The following SHROOM3 variants were observed in gnomAD, a reference collection of about 807,000 sequenced individuals.
The protein encoded by SHROOM3 is protein Shroom3.
A neutral mutation model predicts 138.6 loss-of-function variants in SHROOM3; 47 were observed. The observed-to-expected ratio is 0.34, with a 90% CI of 0.27 to 0.43. The LOEUF (loss-of-function observed/expected upper bound fraction) is 0.43. Ranked by LOEUF, SHROOM3 falls within the 20% of genes least tolerant of loss-of-function variation. The pLI is 1.00. For synonymous variants in SHROOM3, 1,062 were observed against 1,063.3 expected (o/e 1.00, Z 0.02); for missense variants, 2,491 against 2,596.5 (o/e 0.96, Z 0.88).
intron 3 of SHROOM3, among the ~76,000 whole-genome samples, chr4:76,725,426 AAT>A (rs1160069833): frequency 1.3e-5 from 2 of 152,200 alleles, no homozygotes; most frequent in African/African-American, 2.4e-5. Context: ...ATTTCTTTAA[AAT>A]ATCTCTTTAA....
chr4:76,757,583 C>G (rs1721860661), intron 8 of SHROOM3, among the ~76,000 whole-genome samples: 1 of 152,182 alleles, frequency 6.6e-6, no homozygotes, highest in Non-Finnish European at 1.5e-5. Flanking sequence ...TCGTGTACTA[C>G]ACTGACCCTT....
At chr4:76,689,452 C>T (rs1719443066) in intron 2 of SHROOM3, 1 of 899,880 alleles carries the variant, frequency 1.1e-6, no homozygotes, top group Admixed American at 6.7e-5. Context: ...TGGGCGAGCG[C>T]CCCGCACCCT....
At chr4:76,578,804 G>A (rs979957606) in intron 2 of SHROOM3, among the ~76,000 whole-genome samples, 1 of 152,136 alleles carries the variant, frequency 6.6e-6, no homozygotes, top group African/African-American at 2.4e-5. Context: ...ATTTGATAAG[G>A]ATCACAAGAC....
chr4:76,710,295 G>T lies in SHROOM3; in HGVS notation c.455+8G>T, dbSNP rs759640068. On this transcript the variant is annotated splice_region_variant and intron_variant, in intron 3 of 10. Transcript: ENST00000296043. The stretch of plus-strand genomic sequence containing the variant: ...ACTTCGGCTGAAGCACAGGTAAGAC[G>T]CACGGAAGTTGGTGCTGGCAGTTCG... 5.0e-6 allele frequency: 8 copies of T among 1,613,606 alleles called. No individual in the cohort carries two copies. Among genetic ancestry groups the T allele is most frequent in the African/African-American group, 2.7e-5 (2 of 74,868 alleles).
chr4:76,488,844 A>G (rs756601085), intron 1 of SHROOM3, among the ~76,000 whole-genome samples: 10 of 120,594 alleles, frequency 8.3e-5, no homozygotes, highest in Non-Finnish European at 1.4e-4. Context: ...CAACAATCCT[A>G]TGAGGTCAAA....
intron 2 of SHROOM3, among the ~76,000 whole-genome samples, chr4:76,634,277 A>C (rs1735428312): frequency 6.6e-6 from 1 of 152,206 alleles, no homozygotes; most frequent in African/African-American, 2.4e-5. Flanking sequence ...CCTGAGGAGT[A>C]ATAAGCCCTC....
At chr4:76,709,562 TG>T (rs1350741416) in intron 2 of SHROOM3, among the ~76,000 whole-genome samples, 1 of 142,580 alleles carries the variant, frequency 7.0e-6, no homozygotes, top group Admixed American at 7.1e-5. Flanking sequence ...TGTTAGGGAC[TG>T]GGGGTGGGAG....
intron 1 of SHROOM3, among the ~76,000 whole-genome samples, chr4:76,524,660 G>A (rs112533436): frequency 2.0e-5 from 3 of 152,142 alleles, no homozygotes; most frequent in African/African-American, 7.2e-5. Flanking sequence ...CAATAGATTT[G>A]TGCCCAGGAT....
chr4:76,545,094 T>C (rs1447406651), intron 1 of SHROOM3, among the ~76,000 whole-genome samples: 2 of 150,458 alleles, frequency 1.3e-5, no homozygotes, highest in African/African-American at 2.5e-5. Flanking sequence ...TCTTTTTTTC[T>C]TTTTTTTTTC....
intron 2 of SHROOM3, among the ~76,000 whole-genome samples, chr4:76,588,606 C>A (rs1258556281): frequency 1.3e-5 from 2 of 152,116 alleles, no homozygotes. Context: ...CCCTTCTTCT[C>A]CCCACAGTGT....
intron 1 of SHROOM3, among the ~76,000 whole-genome samples, chr4:76,439,888 T>C (rs1730633714): frequency 6.6e-6 from 1 of 152,202 alleles, no homozygotes; most frequent in Non-Finnish European, 1.5e-5. Flanking sequence ...TTAATATCCT[T>C]GGAAAGGAAA....
intron 10 of SHROOM3, among the ~76,000 whole-genome samples, chr4:76,777,886 C>T (rs754772071): frequency 1.3e-5 from 2 of 152,052 alleles, no homozygotes; most frequent in East Asian, 1.9e-4. Context: ...ATGACATTGC[C>T]GTCATTGTTG....
At chr4:76,634,004 A>C (rs1340504827) in intron 2 of SHROOM3, among the ~76,000 whole-genome samples, 1 of 152,146 alleles carries the variant, frequency 6.6e-6, no homozygotes, top group African/African-American at 2.4e-5. Context: ...AACCCTTCTT[A>C]ATGGTGTTTT....
chr4:76,649,506 GTT>G (rs1178951058), intron 2 of SHROOM3, among the ~76,000 whole-genome samples: 1 of 152,172 alleles, frequency 6.6e-6, no homozygotes, highest in Non-Finnish European at 1.5e-5. Context: ...CCAGTGAGTA[GTT>G]TTAAGCAAAA....
At chr4:76,755,422 T>G (rs1469218468) in intron 7 of SHROOM3, among the ~76,000 whole-genome samples, 1 of 152,166 alleles carries the variant, frequency 6.6e-6, no homozygotes, top group African/African-American at 2.4e-5. Context: ...GGGGCACATT[T>G]CACTTCTGGG....
Position 76,618,070 on chromosome 4 carries a change from C to T in SHROOM3, c.323+62307C>T, listed in dbSNP as rs376993335. 3.2e-4 allele frequency among the ~76,000 whole-genome samples: 48 copies of T among 152,288 alleles called. No individual in the cohort carries two copies. In the East Asian group the frequency reaches 6.2e-3, roughly 20 times the overall value. ...ATCCCAACACTTTGGGAGTCCAAGG[C>T]AGGAGGATTGCTTGAGGCCAGGAGT... On this transcript the variant is annotated intron_variant, in intron 2 of 10. Coordinates refer to ENST00000296043, the MANE Select transcript of SHROOM3 (RefSeq NM_020859.4).
intron 2 of SHROOM3, among the ~76,000 whole-genome samples, chr4:76,616,393 G>T (rs1002441737): frequency 5.9e-5 from 9 of 152,038 alleles, no homozygotes; most frequent in African/African-American, 1.4e-4. Context: ...ATAGCCAAAA[G>T]GTGGAAGCAA....
rs199564119 is a variant in SHROOM3 at position 76,740,309 on chromosome 4, C to A, written c.2136C>A (p.Leu712=). The A allele has an allele frequency of 6.2e-7, 1 of 1,613,140 alleles. No individual in the cohort carries two copies. Among genetic ancestry groups the A allele is most frequent in the Non-Finnish European group, 8.5e-7 (1 of 1,180,028 alleles). ...CTGGGAGGAAAGCCGCTCCTGACCT[C>A]GGGAGCCATCTGGACCGGCAGGTTT... ...EDPGRKAAPD[L]GSHLDRQVSY... is the part of the protein sequence containing the mutation. Residue 712 remains leucine (L), a synonymous_variant, in exon 5 of 11, where the codon CTC becomes CTA. Transcript: ENST00000296043. The surrounding 1 kb of genome is among the most constrained non-coding windows in gnomAD (Gnocchi z 4.0).
chr4:76,659,643 A>G (rs1399860352), intron 2 of SHROOM3, among the ~76,000 whole-genome samples: 2 of 152,146 alleles, frequency 1.3e-5, no homozygotes, highest in Non-Finnish European at 2.9e-5. Flanking sequence ...GTGCTGTGGC[A>G]TGACCTTGGC....
Sources: gnomAD v4.1 joint callset for allele counts (sites outside exome capture counted in the v4.1 genomes callset) on GRCh38, gnomAD v4.1.1 for gene constraint, Gnocchi (gnomAD v3.1) non-coding constraint, MANE v1.5 for transcripts, NCBI Gene and HGNC (gene_info 2026-07-23, HGNC 2026-07-21) for gene names.